The following STAMBP variants were observed in gnomAD, a reference collection of about 807,000 sequenced individuals.
STAMBP encodes STAM binding protein.
A neutral mutation model predicts 50.7 loss-of-function variants in STAMBP; 31 were observed. The ratio of observed to expected loss-of-function variants is 0.61; its 90% CI spans 0.46 to 0.83. The LOEUF (loss-of-function observed/expected upper bound fraction) is 0.83, where lower values mean the gene tolerates loss of function less well. Ranked by LOEUF, STAMBP falls within the 40% of genes least tolerant of loss-of-function variation. The probability of loss-of-function intolerance (pLI) is 0.00; values close to 1 mark genes in which losing one functional copy is unlikely to be tolerated. For missense variants in STAMBP, 472 were observed against 518.9 expected (o/e 0.91, Z 0.88); for synonymous variants, 211 against 192.4 (o/e 1.10, Z -0.80).
At chr2:73,834,453 T>C (rs999151470) in intron 2 of STAMBP, among the ~76,000 whole-genome samples, 3 of 151,250 alleles carry the variant, frequency 2.0e-5, no homozygotes, top group Non-Finnish European at 4.4e-5. Flanking sequence ...AAGAAAATCA[T>C]AAAGAATAGA....
chr2:73,872,855 T>C (rs1209424017), intron 10 of STAMBP, among the ~76,000 whole-genome samples: 3 of 152,182 alleles, frequency 2.0e-5, no homozygotes, highest in Non-Finnish European at 2.9e-5. Flanking sequence ...AGAAATCAAG[T>C]ATGCAACAAA....
intron 7 of STAMBP, among the ~76,000 whole-genome samples, chr2:73,858,074 C>G (rs1364046442): frequency 6.6e-6 from 1 of 151,952 alleles, no homozygotes; most frequent in Non-Finnish European, 1.5e-5. Flanking sequence ...GCTCCACCTC[C>G]CGGGTTCATG....
chr2:73,849,438 C>T lies in STAMBP; in HGVS notation c.818C>T (p.Ala273Val), dbSNP rs775578624. ...LCPQFLQLAS[A>V]NTARGVETCG... ...CCACAGTTTCTCCAGTTAGCCAGTG[C>T]CAACACTGCCCGGGGAGTGGAGACA... is the stretch of plus-strand genomic sequence containing the variant. The change falls in exon 6 of 10, where the codon GCC becomes GTC. Residue 273 changes from alanine (A) to valine (V), a missense_variant. Physicochemically the swap from Ala to Val is moderately conservative, Grantham distance 64. Coordinates refer to ENST00000394070, the MANE Select transcript of STAMBP (RefSeq NM_213622.4). The T allele has an allele frequency of 6.2e-7, 1 of 1,613,536 alleles. No individual in the cohort carries two copies. Among genetic ancestry groups the T allele is most frequent in the East Asian group, 2.2e-5 (1 of 44,858 alleles).
chr2:73,845,793 G>A lies in STAMBP; in HGVS notation c.375+531G>A, dbSNP rs574459866. Among the ~76,000 whole-genome samples the A allele has an allele frequency of 8.9e-4, 136 of 151,960 alleles. 1 individual carries two copies. The highest frequency in any genetic ancestry group is 4.0e-3 in the South Asian group (19 of 4,800). On this transcript the variant is annotated intron_variant, in intron 4 of 9. Coordinates refer to ENST00000394070, the MANE Select transcript of STAMBP (RefSeq NM_213622.4). Reference sequence around the variant, plus strand: ...ACTACAGGCATCCGCCACCATACCCGGCTAATTTTTGTATTTTTAGTAGAG... The same window carrying A: ...ACTACAGGCATCCGCCACCATACCCAGCTAATTTTTGTATTTTTAGTAGAG...
chr2:73,832,052 ATTTAT>A (rs1258999010), intron 2 of STAMBP, among the ~76,000 whole-genome samples: 1 of 140,540 alleles, frequency 7.1e-6, no homozygotes, highest in Middle Eastern at 3.4e-3. Flanking sequence ...TTTTTTTGTT[ATTTAT>A]TTTACTACTG....
downstream of STAMBP, chr2:73,867,195 G>T (rs1479322425): frequency 6.6e-6 from 1 of 152,166 alleles, no homozygotes; most frequent in East Asian, 1.9e-4. Flanking sequence ...GCTTTTTTGG[G>T]AGAAGTGCAA....
At chr2:73,846,654 C>T (rs1447273783) in intron 4 of STAMBP, among the ~76,000 whole-genome samples, 2 of 151,490 alleles carry the variant, frequency 1.3e-5, no homozygotes, top group Non-Finnish European at 2.9e-5. Context: ...GTAGAGACCC[C>T]CAAGATAGCA....
At chr2:73,868,879 A>G (rs1309418745), downstream of STAMBP, among the ~76,000 whole-genome samples, 2 of 150,888 alleles carry the variant, frequency 1.3e-5, no homozygotes, top group Non-Finnish European at 2.9e-5. Context: ...CTTGACTCAA[A>G]AAAAGAAAAA....
rs1479411792 is a variant in STAMBP, at chr2:73,829,037, G to C, written c.-486G>C. On this transcript the variant is annotated 5_prime_UTR_variant, in exon 1 of 10. Transcript: ENST00000394070. ...GGGAACGTGGTGGGGCAGGGCCTCC[G>C]AGCGTGGTTGGACTTTGAAGGGGAT... 6.6e-6 allele frequency: 1 copy of C among 152,320 alleles called. No homozygotes were observed. The highest frequency in any genetic ancestry group is 1.5e-5 in the Non-Finnish European group (1 of 68,126). The allele number at this position is 152,320 out of a possible 1,614,324, so 9.4% of individuals were successfully genotyped here.
Position 73,847,564 on chromosome 2 carries a change from T to A in STAMBP, c.553T>A (p.Phe185Ile), listed in dbSNP as rs1676285279. 1.2e-6 allele frequency: 2 copies of A among 1,613,372 alleles called. No homozygotes were observed. Among genetic ancestry groups the A allele is most frequent in the Non-Finnish European group, 1.7e-6 (2 of 1,179,828 alleles). ...AGAGCGACTGAAAATTGTACAGGAG[T>A]TTGGGAAGGTAGACCCTGGCCTAGG... The part of the protein sequence containing the change: ...EKERLKIVQE[F>I]GKVDPGLGGP... Residue 185 changes from phenylalanine (F) to isoleucine (I), a missense_variant, in exon 5 of 10, where the codon TTT becomes ATT. Transcript: ENST00000394070.
In STAMBP at chr2:73,847,488, G is replaced by A; in HGVS notation, c.477G>A (p.Gln159=). The A allele has an allele frequency of 6.2e-7, 1 of 1,614,210 alleles. No individual in the cohort carries two copies. Among genetic ancestry groups the A allele is most frequent in the Non-Finnish European group, 8.5e-7 (1 of 1,180,034 alleles). Residue 159 remains glutamine, a synonymous_variant, in exon 5 of 10, where the codon CAG becomes CAA. Coordinates refer to ENST00000394070, the MANE Select transcript of STAMBP (RefSeq NM_213622.4). ...VAQQKQQQLE[Q]EQFHAFEEMI... is the part of the protein sequence containing the mutation. Reference sequence around the variant, plus strand: ...AACAGAAGCAGCAGCAATTGGAACAGGAACAGTTCCATGCCTTCGAGGAGA... The same window carrying A: ...AACAGAAGCAGCAGCAATTGGAACAAGAACAGTTCCATGCCTTCGAGGAGA...
intron 7 of STAMBP, among the ~76,000 whole-genome samples, chr2:73,853,299 A>C (rs746956292): frequency 3.9e-5 from 6 of 152,222 alleles, no homozygotes; most frequent in Non-Finnish European, 8.8e-5. Context: ...GGAAAGGAGA[A>C]ACATGGAATG....
intron 10 of STAMBP, among the ~76,000 whole-genome samples, chr2:73,872,600 G>A (rs1679244590): frequency 6.6e-6 from 1 of 152,350 alleles, no homozygotes; most frequent in South Asian, 2.1e-4. Flanking sequence ...TGATCAATGA[G>A]TGTACGCAGA....
intron 7 of STAMBP, among the ~76,000 whole-genome samples, chr2:73,851,450 C>T (rs1453295383): frequency 3.9e-5 from 6 of 152,094 alleles, no homozygotes; most frequent in African/African-American, 7.2e-5. Flanking sequence ...GAGGTGCCAG[C>T]GAGGCACTGT....
In STAMBP at chr2:73,846,123, A is replaced by G. The variant is rs370719814; in HGVS notation, c.375+861A>G. 1.7e-4 allele frequency among the ~76,000 whole-genome samples: 26 copies of G among 152,226 alleles called. No homozygotes were observed. In the East Asian group the frequency reaches 4.8e-3, roughly 28 times the overall value. On this transcript the variant is annotated intron_variant, in intron 4 of 9. Coordinates refer to ENST00000394070, the MANE Select transcript of STAMBP (RefSeq NM_213622.4). ...GCAGAGGGATGAACAGCTATGAGGT[A>G]TATACTTCTAAAGCACCAAGTGAGT...
At position 73,865,706 on chromosome 2, in the gene STAMBP, G is replaced by C. The variant is rs564349545; in HGVS notation, c.*3447G>C. 6.6e-6 allele frequency: 1 copy of C among 152,182 alleles called. No homozygotes were observed. The highest frequency in any genetic ancestry group is 6.5e-5 in the Admixed American group (1 of 15,274). The allele number at this position is 152,182 out of a possible 1,614,324, so 9.4% of individuals were successfully genotyped here. A position where few individuals can be genotyped will look rare whatever the true frequency, so the allele number is the denominator to read the frequency against. On this transcript the variant is annotated 3_prime_UTR_variant, in exon 10 of 10. Transcript: ENST00000394070. ...CTATATGCATATGAGGCCTACGTTA[G>C]TTGAAAGATGCTATAAAGATATAAG...
At chr2:73,860,186 T>G (rs1472089328) in intron 9 of STAMBP, 35 bp downstream of exon 9, 3 of 1,561,168 alleles carry the variant, frequency 1.9e-6, no homozygotes, top group Non-Finnish European at 2.6e-6. Flanking sequence ...GGGGCTATGC[T>G]TCAAGCAGGG....
intron 1 of STAMBP, among the ~76,000 whole-genome samples, chr2:73,830,072 A>G (rs369735691): frequency 5.3e-5 from 8 of 152,358 alleles, no homozygotes; most frequent in African/African-American, 1.9e-4. Flanking sequence ...AACAGCAACT[A>G]TATCTAGAAA....
chr2:73,862,051 C>T (rs1678391275), intron 9 of STAMBP, 152 bp from the exon 10 acceptor site: 1 of 433,992 alleles, frequency 2.3e-6, no homozygotes, highest in Non-Finnish European at 4.1e-6. Context: ...GCAGAAGAAT[C>T]GCTTGAACCC....
Sources: allele counts gnomAD v4.1 joint callset (sites outside exome capture counted in the v4.1 genomes callset), GRCh38; gene constraint gnomAD v4.1.1; transcripts MANE v1.5; gene names NCBI Gene and HGNC (gene_info 2026-07-23, HGNC 2026-07-21).